Variants in EXOC6B observed in about 807,000 individuals in gnomAD.
The protein encoded by EXOC6B is exocyst complex component 6B, also known as SEC15 homolog B.
Under a neutral mutation model 113.5 loss-of-function variants are expected in EXOC6B, and 54 were observed. That is an observed-to-expected ratio of 0.48 (90% CI 0.38 to 0.60). The LOEUF is 0.60. Ranked by LOEUF, EXOC6B falls within the 20% of genes least tolerant of loss-of-function variation. The probability of loss-of-function intolerance (pLI) is 0.00; values close to 1 mark genes in which losing one functional copy is unlikely to be tolerated. For synonymous variants in EXOC6B, 357 were observed against 339.0 expected, an observed-to-expected ratio of 1.05 and a Z score of -0.58; for missense variants, 797 against 977.5, an observed-to-expected ratio of 0.82 and a Z score of 2.46.
At chr2:72,760,384 G>C (rs894459631) in intron 1 of EXOC6B, 4 of 152,252 alleles carry the variant, frequency 2.6e-5, no homozygotes, top group African/African-American at 9.6e-5. Context: ...TTTGTCAACT[G>C]TCTCTACATG....
At chr2:72,418,867 CT>C (rs1458172657) in intron 18 of EXOC6B, among the ~76,000 whole-genome samples, 1 of 152,146 alleles carries the variant, frequency 6.6e-6, no homozygotes, top group East Asian at 1.9e-4. Context: ...CTCCAGAAGC[CT>C]TACGACCTTC....
At chr2:72,419,055 T>C (rs1694706537) in intron 18 of EXOC6B, among the ~76,000 whole-genome samples, 1 of 152,314 alleles carries the variant, frequency 6.6e-6, no homozygotes, top group African/African-American at 2.4e-5. Context: ...TTTGAATTTA[T>C]ACCAGCTTAA....
intron 8 of EXOC6B, among the ~76,000 whole-genome samples, chr2:72,541,072 C>A (rs960273140): frequency 6.6e-6 from 1 of 152,074 alleles, no homozygotes; most frequent in African/African-American, 2.4e-5. Context: ...TGGGAGGGAC[C>A]CAGGGGGAGG....
At chr2:72,405,636 A>G (rs1029818369) in intron 18 of EXOC6B, among the ~76,000 whole-genome samples, 5 of 152,216 alleles carry the variant, frequency 3.3e-5, no homozygotes, top group African/African-American at 1.2e-4. Flanking sequence ...AAAATCCTTT[A>G]CAGACAAGCA....
At chr2:72,692,595 C>A (rs1456902356) in intron 6 of EXOC6B, among the ~76,000 whole-genome samples, 1 of 152,066 alleles carries the variant, frequency 6.6e-6, no homozygotes, top group Non-Finnish European at 1.5e-5. Context: ...TCGTGATCCA[C>A]CCACCTTGGC....
intron 1 of EXOC6B, among the ~76,000 whole-genome samples, chr2:72,743,308 A>G (rs770593463): frequency 1.3e-5 from 2 of 152,060 alleles, no homozygotes; most frequent in Non-Finnish European, 2.9e-5. Context: ...CAGTAACAAA[A>G]ATGATCAGAA....
intron 8 of EXOC6B, among the ~76,000 whole-genome samples, chr2:72,540,100 C>A (rs1289304913): frequency 6.6e-6 from 1 of 151,784 alleles, no homozygotes; most frequent in African/African-American, 2.4e-5. Flanking sequence ...CCAATTTCAT[C>A]CATGTCCCTA....
intron 18 of EXOC6B, among the ~76,000 whole-genome samples, chr2:72,410,617 C>A (rs545223294): frequency 6.6e-6 from 1 of 152,218 alleles, no homozygotes; most frequent in African/African-American, 2.4e-5. Context: ...AAATCACACA[C>A]CACATGTTAA....
chr2:72,715,810 A>T (rs1273365581), intron 6 of EXOC6B, among the ~76,000 whole-genome samples: 2 of 152,176 alleles, frequency 1.3e-5, no homozygotes, highest in Non-Finnish European at 2.9e-5. Context: ...TTACCAGCTC[A>T]TGAGGAACCA....
At chr2:72,377,497 A>G (rs983240173) in intron 19 of EXOC6B, among the ~76,000 whole-genome samples, 2 of 152,198 alleles carry the variant, frequency 1.3e-5, no homozygotes, top group African/African-American at 2.4e-5. Flanking sequence ...TGTAATATAA[A>G]TAGACAATAA....
chr2:72,219,354 T>C (rs1680728500), intron 20 of EXOC6B, among the ~76,000 whole-genome samples: 1 of 152,034 alleles, frequency 6.6e-6, no homozygotes, highest in Non-Finnish European at 1.5e-5. Context: ...GACCAATGGT[T>C]TGGACAGCAG....
chr2:72,583,192 A>T (rs1160808896), intron 6 of EXOC6B, among the ~76,000 whole-genome samples: 1 of 152,212 alleles, frequency 6.6e-6, no homozygotes, highest in Non-Finnish European at 1.5e-5. Context: ...AGTCTTCAAG[A>T]ACTATGAGAT....
rs1573322450 is a variant in EXOC6B, at chr2:72,524,657, T to C, written c.916-9531A>G. Among the ~76,000 whole-genome samples, 3 of 152,336 alleles carry C rather than the reference T, an allele frequency of 2.0e-5. No homozygotes were observed. The East Asian group carries it at 5.8e-4, about 29-fold the overall frequency. ...CTCAATGAATAAATGCTTGAAAGGATGGATACCCCATTCTTCATAATGTGC... is the reference window on the plus strand; with the variant it reads ...CTCAATGAATAAATGCTTGAAAGGACGGATACCCCATTCTTCATAATGTGC... On this transcript the variant is annotated intron_variant, in intron 8 of 21. Transcript: ENST00000272427.
intron 20 of EXOC6B, among the ~76,000 whole-genome samples, chr2:72,209,223 C>CAAAAAAAAAAAAAAAAAAAAAAAAAAAAA (rs1170760516): frequency 1.8e-5 from 1 of 57,104 alleles, no homozygotes; most frequent in Non-Finnish European, 3.3e-5. Context: ...AACTCAGTCT[C>CAAAAAAAAAAAAAAAAAAAAAAAAAAAAA]AAAAAAAAAA....
At chr2:72,515,469 G>A in intron 8 of EXOC6B, 2 of 1,063,174 alleles carry the variant, frequency 1.9e-6, no homozygotes, top group Non-Finnish European at 2.3e-6. Flanking sequence ...GTAAGAAAAT[G>A]CTCCTTAAAA....
chr2:72,350,555 G>A (rs1476108789), intron 19 of EXOC6B, among the ~76,000 whole-genome samples: 1 of 152,136 alleles, frequency 6.6e-6, no homozygotes, highest in Non-Finnish European at 1.5e-5. Context: ...GTTTGATGTG[G>A]TGTTTTCCCT....
At chr2:72,360,402 T>G (rs973915399) in intron 19 of EXOC6B, among the ~76,000 whole-genome samples, 1 of 152,210 alleles carries the variant, frequency 6.6e-6, no homozygotes, top group Non-Finnish European at 1.5e-5. Flanking sequence ...CAGATACTTC[T>G]TTATACTACA....
intron 6 of EXOC6B, among the ~76,000 whole-genome samples, chr2:72,623,024 CT>C (rs1354811468): frequency 6.6e-6 from 1 of 152,144 alleles, no homozygotes; most frequent in Non-Finnish European, 1.5e-5. Context: ...AGAGGAGCTG[CT>C]GGGACACTAA....
At chr2:72,292,212 T>C (rs1489563824) in intron 20 of EXOC6B, among the ~76,000 whole-genome samples, 1 of 143,670 alleles carries the variant, frequency 7.0e-6, no homozygotes, top group Non-Finnish European at 1.5e-5. Context: ...TGTGTGTGTG[T>C]ACCTTATAAA....
Sources: gnomAD v4.1 joint callset for allele counts (sites outside exome capture counted in the v4.1 genomes callset) on GRCh38, gnomAD v4.1.1 for gene constraint, MANE v1.5 for transcripts, NCBI Gene and HGNC (gene_info 2026-07-23, HGNC 2026-07-21) for gene names.